The following SLC23A2 variants were observed in gnomAD, a reference collection of about 807,000 sequenced individuals.
SLC23A2 encodes the protein solute carrier family 23 member 2, also known as Na(+)/L-ascorbic acid transporter 2.
In SLC23A2, 36 loss-of-function variants were observed where a neutral mutation model predicts 73.3. The ratio of observed to expected loss-of-function variants is 0.49; its 90% CI spans 0.38 to 0.65. The LOEUF (loss-of-function observed/expected upper bound fraction) is 0.65, where lower values mean the gene tolerates loss of function less well. Among genes scored for constraint, SLC23A2 ranks in the 30% least tolerant of loss-of-function variants. SLC23A2 has a pLI of 0.00. For missense variants in SLC23A2, 507 were observed against 841.6 expected (o/e 0.60, Z 4.92); for synonymous variants, 343 against 327.3 (o/e 1.05, Z -0.52).
intron 9 of SLC23A2, among the ~76,000 whole-genome samples, chr20:4,877,067 C>T (rs1427182706): frequency 3.3e-5 from 5 of 151,974 alleles, no homozygotes; most frequent in Admixed American, 6.6e-5. Flanking sequence ...ATGTAAATGA[C>T]GAGTTAATGG....
At chr20:4,936,500 C>G (rs2086964047) in intron 2 of SLC23A2, among the ~76,000 whole-genome samples, 1 of 152,086 alleles carries the variant, frequency 6.6e-6, no homozygotes, top group African/African-American at 2.4e-5. Context: ...GTTGCCCAGG[C>G]TGGTCTCAAA....
At chr20:5,006,388 G>T (rs530252389), upstream of SLC23A2, among the ~76,000 whole-genome samples, 1 of 151,618 alleles carries the variant, frequency 6.6e-6, no homozygotes, top group Admixed American at 6.6e-5. Flanking sequence ...GTGAGCCACC[G>T]TGCCCAGTCA....
At position 4,947,708 on chromosome 20, in the gene SLC23A2, A is replaced by G. The variant is rs938353169; in HGVS notation, c.-154-14992T>C. Among the ~76,000 whole-genome samples the G allele has an allele frequency of 2.0e-5, 3 of 152,216 alleles. No individual in the cohort carries two copies. Among genetic ancestry groups the G allele is most frequent in the African/African-American group, 7.2e-5 (3 of 41,458 alleles). ...GCTCAGGGCCAATGTTGTGGGTCCA[A>G]CAATCATTCTGGAAGACAAACGTTG... On this transcript the variant is annotated intron_variant, in intron 2 of 16. Coordinates refer to ENST00000338244, the MANE Select transcript of SLC23A2 (RefSeq NM_005116.6). This position sits in a 1 kb window ranked among gnomAD's most constrained non-coding sequence, Gnocchi z 4.4.
intron 2 of SLC23A2, among the ~76,000 whole-genome samples, chr20:4,954,620 C>T (rs564227793): frequency 2.4e-4 from 36 of 149,272 alleles, no homozygotes; most frequent in Non-Finnish European, 4.4e-4. Context: ...ATTGCTTGAA[C>T]CTAGGAGGTG....
chr20:4,942,363 C>A (rs753829122), intron 2 of SLC23A2, among the ~76,000 whole-genome samples: 5 of 134,860 alleles, frequency 3.7e-5, no homozygotes, highest in Non-Finnish European at 7.6e-5. Flanking sequence ...AGCAGGAAAT[C>A]GCTACAGTCT....
chr20:4,861,091 T>C (rs1026462695), intron 15 of SLC23A2, among the ~76,000 whole-genome samples: 4 of 152,134 alleles, frequency 2.6e-5, no homozygotes, highest in Non-Finnish European at 5.9e-5. Context: ...TGGATGAATC[T>C]TGAAAACATG....
chr20:4,998,052 C>CA lies in SLC23A2; in HGVS notation c.-282+3353dup, dbSNP rs2088052981. ...CCTTGACCTTGGACTTCCCAGACTC[C>CA]AGAATTATACGAAACAAATTTCCGT... On this transcript the variant is annotated intron_variant, in intron 1 of 16. Transcript: ENST00000338244. This position sits in a 1 kb window ranked among gnomAD's most constrained non-coding sequence, Gnocchi z 4.1. Among the ~76,000 whole-genome samples the CA allele has an allele frequency of 6.6e-6, 1 of 152,164 alleles. No individual in the cohort carries two copies. The highest frequency in any genetic ancestry group is 1.5e-5 in the Non-Finnish European group (1 of 68,032).
At chr20:4,910,364 G>C (rs1932097495) in intron 4 of SLC23A2, among the ~76,000 whole-genome samples, 1 of 145,188 alleles carries the variant, frequency 6.9e-6, no homozygotes, top group Admixed American at 6.9e-5. Flanking sequence ...GTGACAGAGT[G>C]AGACTCTGTC....
intron 3 of SLC23A2, among the ~76,000 whole-genome samples, chr20:4,919,522 G>A (rs998003384): frequency 6.6e-6 from 1 of 152,236 alleles, no homozygotes; most frequent in Non-Finnish European, 1.5e-5. Context: ...GGCGGGTGAT[G>A]TGTCTGCCAA....
At position 4,855,708 on chromosome 20, in the gene SLC23A2, C is replaced by T. The variant is rs886460543; in HGVS notation, c.*1264G>A. On this transcript the variant is annotated 3_prime_UTR_variant, in exon 17 of 17. Coordinates refer to ENST00000338244, the MANE Select transcript of SLC23A2 (RefSeq NM_005116.6). Reference sequence around the variant, plus strand: ...ACAGACCGGCGGACAGACCGTTCCACGTGGCGGCTCTGCGTGTTACCTGCC... The same window carrying T: ...ACAGACCGGCGGACAGACCGTTCCATGTGGCGGCTCTGCGTGTTACCTGCC... The T allele has an allele frequency of 3.3e-5, 5 of 152,664 alleles. No individual in the cohort carries two copies. The highest frequency in any genetic ancestry group is 1.9e-4 in the East Asian group (1 of 5,182). The allele number at this position is 152,664 out of a possible 1,614,324, so 9.5% of individuals were successfully genotyped here. A position where few individuals can be genotyped will look rare whatever the true frequency, so the allele number is the denominator to read the frequency against.
intron 7 of SLC23A2, 84 bp downstream of exon 7, chr20:4,885,737 G>A (rs568561019): frequency 1.3e-4 from 118 of 927,696 alleles, no homozygotes; most frequent in East Asian, 1.5e-4. Context: ...AGGATTTAGC[G>A]CTGCTGAGGG....
chr20:5,006,948 CGTGTGT>C (rs375441910), intron 1 of SLC23A2, among the ~76,000 whole-genome samples: 1,891 of 148,092 alleles, frequency 0.013, 43 homozygotes, highest in African/African-American at 0.041. Context: ...CCTGAAATGA[CGTGTGT>C]GTGTGTGTGT....
upstream of SLC23A2, among the ~76,000 whole-genome samples, chr20:5,004,167 C>A (rs1180902333): frequency 6.6e-6 from 1 of 152,194 alleles, no homozygotes; most frequent in Admixed American, 6.5e-5. Context: ...GTCCCTTGAA[C>A]AACCTGCCCT....
At chr20:4,889,272 G>A (rs1226735809) in intron 6 of SLC23A2, among the ~76,000 whole-genome samples, 1 of 152,042 alleles carries the variant, frequency 6.6e-6, no homozygotes, top group African/African-American at 2.4e-5. Flanking sequence ...AGAGAGGGGA[G>A]GTGCAAAACA....
chr20:4,955,653 T>TG (rs2087275718), intron 2 of SLC23A2, among the ~76,000 whole-genome samples: 1 of 152,096 alleles, frequency 6.6e-6, no homozygotes, highest in African/African-American at 2.4e-5. Context: ...TAGCCGGGTA[T>TG]GGGGGCAGTG....
chr20:4,985,247 C>T (rs1380562063), intron 1 of SLC23A2, among the ~76,000 whole-genome samples: 1 of 151,686 alleles, frequency 6.6e-6, no homozygotes, highest in African/African-American at 2.4e-5. Flanking sequence ...AACTTGTATT[C>T]AAATGTTCAT....
In SLC23A2 at chr20:4,870,086, G is replaced by A. The variant is rs1046606310; in HGVS notation, c.1103-33C>T. On this transcript the variant is annotated intron_variant, in intron 11 of 16. Coordinates refer to ENST00000338244, the MANE Select transcript of SLC23A2 (RefSeq NM_005116.6). ...AGGAAAACAACCATGAATGCTCCTA[G>A]AGAGGCAGGCGAAAGTGACCAGGAC... is the stretch of plus-strand genomic sequence containing the variant. 5 of 1,550,652 alleles carry A rather than the reference G, an allele frequency of 3.2e-6. No homozygotes were observed. The Admixed American group carries it at 7.6e-5, about 24-fold the overall frequency.
chr20:4,989,011 T>A (rs1388911333), intron 1 of SLC23A2, among the ~76,000 whole-genome samples: 4 of 150,832 alleles, frequency 2.7e-5, no homozygotes, highest in African/African-American at 7.3e-5. Flanking sequence ...CCGAGGCGGG[T>A]GGATCACAAG....
At chr20:4,969,982 G>A (rs1002738614) in intron 2 of SLC23A2, among the ~76,000 whole-genome samples, 4 of 151,998 alleles carry the variant, frequency 2.6e-5, no homozygotes, top group Non-Finnish European at 5.9e-5. Context: ...AACAACAGAA[G>A]GAGGAAAAAA....
Sources: allele counts gnomAD v4.1 joint callset (sites outside exome capture counted in the v4.1 genomes callset), GRCh38; gene constraint gnomAD v4.1.1; non-coding constraint Gnocchi (gnomAD v3.1); transcripts MANE v1.5; gene names NCBI Gene and HGNC (gene_info 2026-07-23, HGNC 2026-07-21).